Variants in FANCA observed in about 807,000 individuals in gnomAD.
FANCA encodes FA complementation group A.
A neutral mutation model predicts 194.3 loss-of-function variants in FANCA; 236 were observed. That is an observed-to-expected ratio of 1.21 (90% confidence interval 1.09 to 1.35). The LOEUF (loss-of-function observed/expected upper bound fraction) is 1.35. FANCA is among the 40% of genes most tolerant of loss of function. FANCA has a pLI of 0.00. For synonymous variants in FANCA, 1,014 were observed against 715.8 expected (o/e 1.42, Z -6.65); for missense variants, 2,628 against 1,813.9 (o/e 1.45, Z -8.15).
intron 7 of FANCA, among the ~76,000 whole-genome samples, chr16:89,803,756 G>T (rs946684571): frequency 2.6e-5 from 4 of 151,884 alleles, no homozygotes; most frequent in African/African-American, 4.8e-5. Flanking sequence ...CCAGTAGCTG[G>T]GAATATAGGC....
chr16:89,752,832 A>G (rs1029811853), intron 30 of FANCA, among the ~76,000 whole-genome samples: 12 of 152,210 alleles, frequency 7.9e-5, no homozygotes, highest in African/African-American at 2.9e-4. Flanking sequence ...GTCCAGCGGT[A>G]GCAAAAGGTG....
intron 17 of FANCA, among the ~76,000 whole-genome samples, chr16:89,780,999 C>T (rs887665327): frequency 2.6e-5 from 4 of 151,788 alleles, no homozygotes; most frequent in African/African-American, 4.8e-5. Context: ...AATATTTTCA[C>T]CTAACACTTT....
chr16:89,747,838 G>C (rs977123967), intron 33 of FANCA, among the ~76,000 whole-genome samples: 2 of 152,214 alleles, frequency 1.3e-5, no homozygotes, highest in Admixed American at 6.5e-5. Flanking sequence ...GCTCTCTGTA[G>C]AGTGGGAGGG....
At chr16:89,755,547 G>A (rs1322542555) in intron 30 of FANCA, among the ~76,000 whole-genome samples, 1 of 152,058 alleles carries the variant, frequency 6.6e-6, no homozygotes, top group African/African-American at 2.4e-5. Context: ...AAATCCTAAA[G>A]AGCTAAACTA....
chr16:89,745,137 C>A (rs1308254713), intron 35 of FANCA, 66 bp from the exon 36 acceptor site: 2 of 1,453,160 alleles, frequency 1.4e-6, no homozygotes, highest in South Asian at 1.2e-5. Context: ...CTGCCCCAGC[C>A]ATGACAAGCC....
chr16:89,769,840 AG>A lies in FANCA; in HGVS notation c.2500del (p.Leu834Ter). On this transcript the variant is annotated frameshift_variant, in exon 26 of 43. Coordinates refer to ENST00000389301, the MANE Select transcript of FANCA (RefSeq NM_000135.4). LOFTEE classifies it high-confidence loss of function. ...CRTRDSLFFC[L>X]KFCTAAISYS... Reference sequence around the variant, plus strand: ...CGACTGTGGAAGAAGAGCTCACTTCAGGCAGAAGAACAAGGAATCCCTCGTC... The same window carrying A: ...CGACTGTGGAAGAAGAGCTCACTTCAGCAGAAGAACAAGGAATCCCTCGTC... 1 of 1,614,086 alleles carries A rather than the reference AG, an allele frequency of 6.2e-7. No homozygotes were observed. Among genetic ancestry groups the A allele is most frequent in the South Asian group, 1.1e-5 (1 of 91,068 alleles).
intron 14 of FANCA, among the ~76,000 whole-genome samples, chr16:89,789,024 G>A (rs946634413): frequency 2.4e-4 from 37 of 151,992 alleles, no homozygotes; most frequent in African/African-American, 7.7e-4. Context: ...CACCTGAGCC[G>A]CGGCTCGGGG....
At chr16:89,808,001 T>G (rs1395092489) in intron 6 of FANCA, among the ~76,000 whole-genome samples, 4 of 151,952 alleles carry the variant, frequency 2.6e-5, no homozygotes, top group Non-Finnish European at 5.9e-5. Context: ...GAGGTTGTAG[T>G]GAGCTGAAAT....
At chr16:89,792,694 T>C (rs887986686) in intron 11 of FANCA, 147 bp from the exon 12 acceptor site, 1 of 689,620 alleles carries the variant, frequency 1.5e-6, no homozygotes, top group Non-Finnish European at 2.6e-6. Context: ...GACAAAGAGA[T>C]AAAAGACAAG....
Position 89,784,848 on chromosome 16 carries a change from T to A in FANCA, c.1470+6A>T. 1 of 1,606,612 alleles carries A rather than the reference T, an allele frequency of 6.2e-7. No individual in the cohort carries two copies. Among genetic ancestry groups the A allele is most frequent in the Non-Finnish European group, 8.5e-7 (1 of 1,173,210 alleles). On this transcript the variant is annotated splice_donor_region_variant and intron_variant, in intron 15 of 42. Coordinates refer to ENST00000389301, the MANE Select transcript of FANCA (RefSeq NM_000135.4). The stretch of plus-strand genomic sequence containing the variant: ...GAAATCATGGATGTGGCAGCCAGCT[T>A]CTCACCTGCAGGTACCGGGGAGACT...
At chr16:89,777,617 C>G (rs933568291) in intron 20 of FANCA, among the ~76,000 whole-genome samples, 2 of 151,662 alleles carry the variant, frequency 1.3e-5, no homozygotes, top group Non-Finnish European at 2.9e-5. Flanking sequence ...CTTACAGGTC[C>G]CAGAACTTTA....
intron 14 of FANCA, among the ~76,000 whole-genome samples, chr16:89,789,305 C>T (rs75406170): frequency 0.037 from 3,721 of 101,306 alleles, 82 homozygotes; most frequent in South Asian, 0.12. Flanking sequence ...CTCAGAAGGC[C>T]TGGGGGGGGA....
chr16:89,798,870 C>G (rs1333381657), intron 10 of FANCA: 7 of 1,556,316 alleles, frequency 4.5e-6, no homozygotes, highest in Non-Finnish European at 6.0e-6. Flanking sequence ...GGAGACTCCA[C>G]ACAGGAGGAG....
At chr16:89,752,060 G>C in intron 31 of FANCA, 78 bp downstream of exon 31, 1 of 1,309,408 alleles carries the variant, frequency 7.6e-7, no homozygotes, top group Non-Finnish European at 1.1e-6. Flanking sequence ...GTGAGCCACC[G>C]CGCCTGGCAA....
intron 20 of FANCA, among the ~76,000 whole-genome samples, chr16:89,777,022 C>A (rs1044134275): frequency 1.3e-5 from 2 of 152,000 alleles, no homozygotes; most frequent in African/African-American, 4.8e-5. Context: ...GAAGCCTGGG[C>A]AACACAGCGA....
At chr16:89,814,756 C>T in intron 2 of FANCA, 143 bp from the exon 3 acceptor site, 1 of 649,850 alleles carries the variant, frequency 1.5e-6, no homozygotes, top group South Asian at 1.5e-5. Flanking sequence ...GCCTGGCCAA[C>T]ATAGTGAAAC....
rs759929927 is a variant in FANCA, at chr16:89,799,012, C to G, written c.893+154G>C. ...AGCGTTCCCCGGGCTTTCCCATGGT[C>G]GCCTCCTCCTCACGCACGTTATCGT... is the stretch of plus-strand genomic sequence containing the variant. On this transcript the variant is annotated intron_variant, in intron 10 of 42. Transcript: ENST00000389301. 2.5e-6 allele frequency: 4 copies of G among 1,614,130 alleles called. No individual in the cohort carries two copies. The South Asian group carries it at 3.3e-5, about 13-fold the overall frequency.
At chr16:89,779,168 G>A (rs1463370110) in intron 18 of FANCA, among the ~76,000 whole-genome samples, 165 bp from the exon 19 acceptor site, 1 of 152,090 alleles carries the variant, frequency 6.6e-6, no homozygotes, top group Non-Finnish European at 1.5e-5. Flanking sequence ...CATGTGTAGG[G>A]CAGGCCGTGC....
intron 18 of FANCA, among the ~76,000 whole-genome samples, chr16:89,779,429 C>T (rs957392366): frequency 2.0e-5 from 3 of 152,094 alleles, no homozygotes; most frequent in African/African-American, 7.2e-5. Flanking sequence ...CTGTTACTGA[C>T]TCCATATTGG....
Sources: allele counts gnomAD v4.1 joint callset (sites outside exome capture counted in the v4.1 genomes callset), GRCh38; gene constraint gnomAD v4.1.1; transcripts MANE v1.5; gene names NCBI Gene and HGNC (gene_info 2026-07-23, HGNC 2026-07-21).